The following SIPA1L2 variants were observed in gnomAD, a reference collection of about 807,000 sequenced individuals.
The protein encoded by SIPA1L2 is signal-induced proliferation-associated 1-like protein 2.
SIPA1L2 carries 56 observed loss-of-function variants against 163.9 expected under a neutral mutation model. The observed-to-expected ratio is 0.34, with a 90% confidence interval of 0.28 to 0.43. The LOEUF is 0.43. Among genes scored for constraint, SIPA1L2 ranks in the 20% least tolerant of loss-of-function variants. The pLI is 1.00. For missense variants in SIPA1L2, 1,974 were observed against 2,193.5 expected, an observed-to-expected ratio of 0.90 and a Z score of 2.00; for synonymous variants, 877 against 865.7, an observed-to-expected ratio of 1.01 and a Z score of -0.23.
At position 232,623,833 on chromosome 1, in the gene SIPA1L2, C is replaced by T. The variant is rs150835461; in HGVS notation, c.-319+6036G>A. Among the ~76,000 whole-genome samples, 17 of 151,950 alleles carry T rather than the reference C, an allele frequency of 1.1e-4. No individual in the cohort carries two copies. The East Asian group carries it at 3.1e-3, about 28-fold the overall frequency. On this transcript the variant is annotated intron_variant, in intron 1 of 22. Transcript: ENST00000674635. ...GCCCATCAAGAGTGGAGTTTGTCTT[C>T]CGCTTGCCTCACAAGACCCTACAGG...
At chr1:232,442,021 GCCC>G (rs907258223) in intron 12 of SIPA1L2, among the ~76,000 whole-genome samples, 153 bp from the exon 13 acceptor site, 1 of 152,114 alleles carries the variant, frequency 6.6e-6, no homozygotes, top group African/African-American at 2.4e-5. Context: ...TGTCAGCTCA[GCCC>G]CGCCAGAGAA....
At chr1:232,560,006 T>C (rs1355210518) in intron 2 of SIPA1L2, among the ~76,000 whole-genome samples, 1 of 152,218 alleles carries the variant, frequency 6.6e-6, no homozygotes, top group Non-Finnish European at 1.5e-5. Flanking sequence ...TTCCCCTCAA[T>C]TCATTCTTGA....
intron 1 of SIPA1L2, among the ~76,000 whole-genome samples, chr1:232,590,359 T>G (rs190381837): frequency 1.3e-5 from 2 of 152,374 alleles, no homozygotes; most frequent in East Asian, 3.9e-4. Context: ...CCATTTATTT[T>G]TGTATACAAC....
intron 7 of SIPA1L2, among the ~76,000 whole-genome samples, chr1:232,474,998 C>T (rs972149238): frequency 3.3e-5 from 5 of 152,136 alleles, no homozygotes; most frequent in African/African-American, 4.8e-5. Flanking sequence ...TGAAAGAGAA[C>T]AGCCGGGATA....
intron 3 of SIPA1L2, among the ~76,000 whole-genome samples, chr1:232,505,742 C>G (rs918412026): frequency 6.6e-6 from 1 of 152,176 alleles, no homozygotes; most frequent in African/African-American, 2.4e-5. Context: ...TTAAGGGCGC[C>G]TGTGGGACTT....
chr1:232,405,495 G>A (rs1002461166), intron 19 of SIPA1L2, among the ~76,000 whole-genome samples: 2 of 152,212 alleles, frequency 1.3e-5, no homozygotes, highest in African/African-American at 4.8e-5. Flanking sequence ...CTACTATGAT[G>A]TGACCTGCAC....
chr1:232,449,108 C>T (rs760670296), intron 10 of SIPA1L2, among the ~76,000 whole-genome samples: 1 of 151,922 alleles, frequency 6.6e-6, no homozygotes, highest in Non-Finnish European at 1.5e-5. Flanking sequence ...GCTCATGGAA[C>T]AACTAGATCG....
rs559754811 is a variant in SIPA1L2, at chr1:232,518,453, G to T, written c.-269-2845C>A. On this transcript the variant is annotated intron_variant, in intron 2 of 22. Transcript: ENST00000674635. ...CATCTCCTTGTAACTCCTCCCCTGA[G>T]ATTTTGCTCTACTGTAGCTTGTGGA... 4.6e-5 allele frequency among the ~76,000 whole-genome samples: 7 copies of T among 152,270 alleles called. 1 individual carries two copies. In the South Asian group the frequency reaches 1.5e-3, roughly 32 times the overall value.
chr1:232,621,331 C>T (rs1184788229), intron 1 of SIPA1L2, among the ~76,000 whole-genome samples: 1 of 152,136 alleles, frequency 6.6e-6, no homozygotes, highest in Non-Finnish European at 1.5e-5. Flanking sequence ...GTAATTCCGC[C>T]ATTCTTATAT....
chr1:232,501,978 T>A (rs1666504884), intron 3 of SIPA1L2, among the ~76,000 whole-genome samples: 1 of 152,250 alleles, frequency 6.6e-6, no homozygotes, highest in African/African-American at 2.4e-5. Context: ...TTTTTTAAAT[T>A]CCTTCACTGT....
At chr1:232,426,170 C>CATA (rs1403655400) in intron 17 of SIPA1L2, among the ~76,000 whole-genome samples, 1 of 152,208 alleles carries the variant, frequency 6.6e-6, no homozygotes, top group Admixed American at 6.5e-5. Context: ...CAAAGCTCCA[C>CATA]ATAATACTGG....
chr1:232,510,444 A>T (rs1666930376), intron 3 of SIPA1L2, among the ~76,000 whole-genome samples: 1 of 152,208 alleles, frequency 6.6e-6, no homozygotes, highest in Non-Finnish European at 1.5e-5. Context: ...CAACAGCACC[A>T]AAATGCCAAA....
chr1:232,623,049 CAGG>C (rs1052154145), intron 1 of SIPA1L2, among the ~76,000 whole-genome samples: 13 of 152,214 alleles, frequency 8.5e-5, no homozygotes, highest in Admixed American at 2.6e-4. Flanking sequence ...TAAAATCGAA[CAGG>C]AGGATGGGTG....
At chr1:232,415,778 G>A (rs1200088850) in intron 18 of SIPA1L2, 153 bp from the exon 19 acceptor site, 2 of 850,476 alleles carry the variant, frequency 2.4e-6, no homozygotes, top group Non-Finnish European at 1.8e-6. Flanking sequence ...CAGAACACGG[G>A]CACCACTGTC....
chr1:232,545,932 C>T (rs1163230449), intron 2 of SIPA1L2, among the ~76,000 whole-genome samples: 2 of 152,188 alleles, frequency 1.3e-5, no homozygotes, highest in East Asian at 3.8e-4. Context: ...AATTGCTAAA[C>T]AGAATGTAAA....
At chr1:232,459,179 G>T (rs1255706853) in intron 10 of SIPA1L2, among the ~76,000 whole-genome samples, 1 of 152,148 alleles carries the variant, frequency 6.6e-6, no homozygotes. Context: ...TGGTTTAGCT[G>T]ATCTATCCAA....
chr1:232,402,449 G>T lies in SIPA1L2; in HGVS notation c.4965C>A (p.Thr1655=). 1 of 1,613,450 alleles carries T rather than the reference G, an allele frequency of 6.2e-7. No homozygotes were observed. Among genetic ancestry groups the T allele is most frequent in the Non-Finnish European group, 8.5e-7 (1 of 1,179,520 alleles). Residue 1655 remains threonine (T), a synonymous_variant, in exon 22 of 23, where the codon ACC becomes ACA. Coordinates refer to ENST00000674635, the MANE Select transcript of SIPA1L2 (RefSeq NM_020808.5). ...TTAATTCCAGCTGATTGACTTTCCC[G>T]GTCAGTGGTGATGGAGAACGCTCCC... The part of the protein sequence containing the change: ...TTGERSPSPL[T]GKVNQLELIL...
intron 2 of SIPA1L2, among the ~76,000 whole-genome samples, chr1:232,542,693 A>G (rs1657760770): frequency 6.6e-6 from 1 of 152,228 alleles, no homozygotes; most frequent in South Asian, 2.1e-4. Flanking sequence ...AGAGTGAAGG[A>G]AAAAGAAAAT....
chr1:232,559,361 C>T (rs573849408), intron 2 of SIPA1L2, among the ~76,000 whole-genome samples: 4 of 152,190 alleles, frequency 2.6e-5, no homozygotes, highest in African/African-American at 9.7e-5. Flanking sequence ...CAGCTAGACC[C>T]GGCATGTAGA....
Sources: gnomAD v4.1 joint callset for allele counts (sites outside exome capture counted in the v4.1 genomes callset) on GRCh38, gnomAD v4.1.1 for gene constraint, MANE v1.5 for transcripts, NCBI Gene and HGNC (gene_info 2026-07-23, HGNC 2026-07-21) for gene names.